Variants in ADAMTS6 observed in about 807,000 individuals in gnomAD.
ADAMTS6 encodes the protein A disintegrin and metalloproteinase with thrombospondin motifs 6.
A neutral mutation model predicts 144.3 loss-of-function variants in ADAMTS6; 23 were observed. The ratio of observed to expected loss-of-function variants is 0.16; its 90% CI spans 0.11 to 0.23. The LOEUF (loss-of-function observed/expected upper bound fraction) is 0.23, where lower values mean the gene tolerates loss of function less well. ADAMTS6 is among the 10% of genes least tolerant of loss of function. The pLI is 1.00. For missense variants in ADAMTS6, 999 were observed against 1,379.6 expected (o/e 0.72, Z 4.37); for synonymous variants, 444 against 457.5 (o/e 0.97, Z 0.38).
chr5:65,188,555 T>C (rs1754811571), intron 21 of ADAMTS6, among the ~76,000 whole-genome samples: 1 of 152,142 alleles, frequency 6.6e-6, no homozygotes, highest in African/African-American at 2.4e-5. Flanking sequence ...GTCATATATA[T>C]AAAGCTCCCA....
intron 9 of ADAMTS6, among the ~76,000 whole-genome samples, chr5:65,306,887 T>C (rs1041498425): frequency 1.3e-5 from 2 of 152,212 alleles, no homozygotes; most frequent in African/African-American, 4.8e-5. Flanking sequence ...TTTTATTAAT[T>C]TGTAGTTCTT....
In ADAMTS6 at chr5:65,452,832, G is replaced by A. The variant is rs1273765248; in HGVS notation, c.718C>T (p.His240Tyr). 1 of 1,614,054 alleles carries A rather than the reference G, an allele frequency of 6.2e-7. No homozygotes were observed. Among genetic ancestry groups the A allele is most frequent in the South Asian group, 1.1e-5 (1 of 91,084 alleles). ...ATGCTCACTGATCTCTTCTGTCTGT[G>A]GTGGATATGTGTGTTGTTAATTGGT... ...SLPINNTHIH[H>Y]RQKRSVSIER... Residue 240 changes from histidine (H) to tyrosine (Y), a missense_variant, in exon 5 of 25, where the codon CAC (histidine) becomes TAC (tyrosine). By Grantham distance (83) the His-to-Tyr change is moderately conservative. Around this residue, in one of 3 missense-constraint regions of ADAMTS6, gnomAD observed 252 missense variants for 293.7 expected, o/e 0.86. Transcript: ENST00000381055.
chr5:65,465,261 C>T (rs1759911907), intron 3 of ADAMTS6, among the ~76,000 whole-genome samples: 1 of 152,136 alleles, frequency 6.6e-6, no homozygotes, highest in Non-Finnish European at 1.5e-5. Flanking sequence ...ATAGACATTG[C>T]AAAACCTCCT....
intron 7 of ADAMTS6, among the ~76,000 whole-genome samples, chr5:65,375,506 A>T (rs1751441146): frequency 6.6e-6 from 1 of 152,094 alleles, no homozygotes; most frequent in South Asian, 2.1e-4. Context: ...AAACACATGA[A>T]AAAATGCTCA....
chr5:65,154,238 A>G (rs1394562330), intron 24 of ADAMTS6, among the ~76,000 whole-genome samples: 1 of 152,116 alleles, frequency 6.6e-6, no homozygotes, highest in East Asian at 1.9e-4. Flanking sequence ...AAAAACTCAA[A>G]TATGAATAGT....
At chr5:65,418,871 T>G (rs755745757) in intron 7 of ADAMTS6, among the ~76,000 whole-genome samples, 108 of 152,146 alleles carry the variant, frequency 7.1e-4, no homozygotes, top group Non-Finnish European at 1.2e-3. Flanking sequence ...CTAGTCAGAA[T>G]GGCTATTATT....
intron 7 of ADAMTS6, among the ~76,000 whole-genome samples, chr5:65,406,706 G>A (rs2150174760): frequency 6.6e-6 from 1 of 152,178 alleles, no homozygotes; most frequent in South Asian, 2.1e-4. Flanking sequence ...GATTGGAATA[G>A]TGTCAGAAGG....
At chr5:65,420,037 G>A (rs1755886611) in intron 7 of ADAMTS6, among the ~76,000 whole-genome samples, 1 of 152,136 alleles carries the variant, frequency 6.6e-6, no homozygotes, top group South Asian at 2.1e-4. Context: ...AGCATGGCTG[G>A]GGAGGCCTCA....
At chr5:65,392,450 G>A (rs928924712) in intron 7 of ADAMTS6, among the ~76,000 whole-genome samples, 1 of 152,100 alleles carries the variant, frequency 6.6e-6, no homozygotes. Context: ...TTACTATAAA[G>A]AGGAACCTCT....
intron 14 of ADAMTS6, among the ~76,000 whole-genome samples, chr5:65,254,223 G>T (rs931739649): frequency 6.6e-6 from 1 of 152,048 alleles, no homozygotes; most frequent in Non-Finnish European, 1.5e-5. Flanking sequence ...AATAGAAGCT[G>T]TTAGAATAGA....
At chr5:65,278,705 T>C (rs1263820553) in intron 11 of ADAMTS6, among the ~76,000 whole-genome samples, 2 of 152,178 alleles carry the variant, frequency 1.3e-5, no homozygotes, top group African/African-American at 4.8e-5. Flanking sequence ...CTGAATCCAA[T>C]TTCTTTCTTT....
intron 10 of ADAMTS6, 46 bp downstream of exon 10, chr5:65,299,939 G>A: frequency 6.3e-7 from 1 of 1,580,400 alleles, no homozygotes; most frequent in Non-Finnish European, 8.6e-7. Context: ...TCTACCAGTG[G>A]CTTACTTCTG....
intron 7 of ADAMTS6, among the ~76,000 whole-genome samples, chr5:65,392,047 T>C (rs1327578926): frequency 6.6e-6 from 1 of 152,014 alleles, no homozygotes; most frequent in African/African-American, 2.4e-5. Flanking sequence ...GACATTAACA[T>C]TTTTTAAAGG....
intron 18 of ADAMTS6, among the ~76,000 whole-genome samples, chr5:65,223,000 A>C (rs899140699): frequency 6.6e-6 from 1 of 151,676 alleles, no homozygotes; most frequent in Non-Finnish European, 1.5e-5. Context: ...AAAAGGAAAA[A>C]AAAATTTTAA....
intron 22 of ADAMTS6, among the ~76,000 whole-genome samples, chr5:65,181,454 A>G (rs1048821652): frequency 2.0e-5 from 3 of 152,234 alleles, no homozygotes; most frequent in Non-Finnish European, 1.5e-5. Context: ...TTTACATTTC[A>G]TTAAAGATGA....
chr5:65,253,754 A>G (rs1298925328), intron 14 of ADAMTS6, among the ~76,000 whole-genome samples: 4 of 150,700 alleles, frequency 2.7e-5, no homozygotes, highest in Non-Finnish European at 5.9e-5. Flanking sequence ...CTGTTCCAAT[A>G]GTAACACCTA....
chr5:65,316,005 G>A (rs1328680484), intron 9 of ADAMTS6, among the ~76,000 whole-genome samples: 4 of 152,080 alleles, frequency 2.6e-5, no homozygotes, highest in South Asian at 4.1e-4. Context: ...TCTGCCTCCC[G>A]GGTTCAGGCA....
chr5:65,243,946 A>G (rs563873853), intron 14 of ADAMTS6, among the ~76,000 whole-genome samples: 2 of 152,280 alleles, frequency 1.3e-5, no homozygotes, highest in African/African-American at 4.8e-5. Flanking sequence ...GAAAAACAAG[A>G]CACAAATGGA....
chr5:65,414,504 G>A (rs1264347225), intron 7 of ADAMTS6, among the ~76,000 whole-genome samples: 1 of 151,980 alleles, frequency 6.6e-6, no homozygotes, highest in African/African-American at 2.4e-5. Context: ...TTATCTTAGG[G>A]AAAAAATGCT....
Sources: gnomAD v4.1 joint callset for allele counts (sites outside exome capture counted in the v4.1 genomes callset) on GRCh38, gnomAD v4.1.1 for gene constraint, gnomAD v4.1.1 regional missense constraint, MANE v1.5 for transcripts, NCBI Gene and HGNC (gene_info 2026-07-23, HGNC 2026-07-21) for gene names.